MXD4: variants seen among roughly 807,000 people sequenced by gnomAD.
MXD4 encodes Mad4 homolog.
A neutral mutation model predicts 24.5 loss-of-function variants in MXD4; 16 were observed. The observed-to-expected ratio is 0.65, with a 90% confidence interval of 0.44 to 0.99. The LOEUF (loss-of-function observed/expected upper bound fraction) is 0.99. Among genes scored for constraint, MXD4 ranks in the 50% least tolerant of loss-of-function variants. The pLI is 0.00. For missense variants in MXD4, 301 were observed against 301.5 expected (o/e 1.00, Z 0.01); for synonymous variants, 164 against 134.2 (o/e 1.22, Z -1.54).
Position 2,261,697 on chromosome 4 carries a change from G to C in MXD4, c.164+28C>G. ...CGGGGGCGGGGGTTCGGACCGGGCC[G>C]GGCGGGGTCGGGAGCGGGGGGCGGT... On this transcript the variant is annotated intron_variant, in intron 2 of 5. Transcript: ENST00000337190. 7 of 1,294,248 alleles carry C rather than the reference G, an allele frequency of 5.4e-6. No homozygotes were observed. The African/African-American group carries it at 7.9e-5, about 15-fold the overall frequency. The allele number at this position is 1,294,248 out of a possible 1,614,324, so 80.2% of individuals were successfully genotyped here.
chr4:2,252,706 C>A, intron 3 of MXD4, 184 bp from the exon 4 acceptor site: 1 of 556,510 alleles, frequency 1.8e-6, no homozygotes, highest in Non-Finnish European at 3.2e-6. Context: ...GAGCCCAACA[C>A]CCACAGCCCC....
In MXD4 at chr4:2,258,727, G is replaced by C. The variant is rs187143012; in HGVS notation, c.165-716C>G. 7.9e-4 allele frequency among the ~76,000 whole-genome samples: 120 copies of C among 152,348 alleles called. No individual in the cohort carries two copies. The Middle Eastern group carries it at 0.027, about 35-fold the overall frequency. Reference sequence around the variant, plus strand: ...CAGCGTCAGCCAGGTCAGCCCATGAGGGGGCTTCTGAGATGTGGATGCTTC... The same window carrying C: ...CAGCGTCAGCCAGGTCAGCCCATGACGGGGCTTCTGAGATGTGGATGCTTC... On this transcript the variant is annotated intron_variant, in intron 2 of 5. Transcript: ENST00000337190.
chr4:2,258,486 C>T (rs540773966), intron 2 of MXD4, among the ~76,000 whole-genome samples: 6 of 152,312 alleles, frequency 3.9e-5, no homozygotes, highest in Admixed American at 2.0e-4. Context: ...CGCTGACCCC[C>T]ACCAGCCACC....
At chr4:2,257,757 T>C (rs1735460033) in intron 3 of MXD4, among the ~76,000 whole-genome samples, 1 of 152,202 alleles carries the variant, frequency 6.6e-6, no homozygotes, top group African/African-American at 2.4e-5. Flanking sequence ...GGATGAGCTC[T>C]GGAAAGCAGG....
In MXD4 at chr4:2,250,548, G is replaced by T; in HGVS notation, c.626C>A (p.Ser209Ter). 1 of 1,584,786 alleles carries T rather than the reference G, an allele frequency of 6.3e-7. No homozygotes were observed. Residue 209 changes from serine to a stop codon, truncating the protein, a stop_gained, in exon 6 of 6, where the codon TCG (serine) becomes TAG (stop). Coordinates refer to ENST00000337190, the MANE Select transcript of MXD4 (RefSeq NM_006454.3). LOFTEE classifies it high-confidence loss of function. ...HCRRLGRPALS is the reference protein window; with the variant it reads ...HCRRLGRPAL Reference sequence around the variant, plus strand: ...CAAGGAGCAGAGGGCACGGGCCTACGAGAGGGCGGGGCGGCCCAGCCGCCG... The same window carrying T: ...CAAGGAGCAGAGGGCACGGGCCTACTAGAGGGCGGGGCGGCCCAGCCGCCG...
Position 2,262,051 on chromosome 4 carries a change from C to A in MXD4, c.-71G>T. The stretch of plus-strand genomic sequence containing the variant: ...CCGGCCCGCTCCGGCCGGCTCCGCT[C>A]GCCGCCCACCCCGCGCGCCCGGCCG... On this transcript the variant is annotated 5_prime_UTR_variant, in exon 1 of 6. Coordinates refer to ENST00000337190, the MANE Select transcript of MXD4 (RefSeq NM_006454.3). The A allele has an allele frequency of 2.3e-6, 2 of 867,076 alleles. No individual in the cohort carries two copies. The highest frequency in any genetic ancestry group is 5.1e-5 in the South Asian group (1 of 19,652). The allele number at this position is 867,076 out of a possible 1,614,324, so 53.7% of individuals were successfully genotyped here. A position where few individuals can be genotyped will look rare whatever the true frequency, so the allele number is the denominator to read the frequency against.
rs533141951 is a variant in MXD4, at chr4:2,255,715, T to G, written c.194+2267A>C. On this transcript the variant is annotated intron_variant, in intron 3 of 5. Transcript: ENST00000337190. ...ACTTCCTGAAGGAACCCTGTGTGGA[T>G]TCAGGAGGCAGAACCCGCCTGCAGG... Among the ~76,000 whole-genome samples the G allele has an allele frequency of 3.9e-5, 6 of 152,244 alleles. No homozygotes were observed. In the South Asian group the frequency reaches 1.2e-3, roughly 32 times the overall value.
At chr4:2,261,867 CCCCGCCGCCCG>C in intron 1 of MXD4, 39 bp downstream of exon 1, 2 of 1,387,768 alleles carry the variant, frequency 1.4e-6, no homozygotes, top group Non-Finnish European at 1.9e-6. Context: ...CCCGGCACGG[CCCCGCCGCCCG>C]CCCACCGCCG....
Position 2,247,505 on chromosome 4 carries a change from CG to C in MXD4, c.*3038del. 1 of 152,450 alleles carries C rather than the reference CG, an allele frequency of 6.6e-6. No homozygotes were observed. The highest frequency in any genetic ancestry group is 6.5e-5 in the Admixed American group (1 of 15,314). 9.4% of individuals were successfully genotyped at this position (152,450 alleles called of 1,614,324 possible). ...ACGGCCCACACGGTGGACAGGTGGC[CG>C]GGGGCCCCTTTCCCCCTCTAGCGCA... is the stretch of plus-strand genomic sequence containing the variant. On this transcript the variant is annotated 3_prime_UTR_variant, in exon 6 of 6. Coordinates refer to ENST00000337190, the MANE Select transcript of MXD4 (RefSeq NM_006454.3).
At chr4:2,250,792 G>C in intron 5 of MXD4, 91 bp from the exon 6 acceptor site, 1 of 1,475,446 alleles carries the variant, frequency 6.8e-7, no homozygotes, top group African/African-American at 1.4e-5. Flanking sequence ...CTAGGCAGAG[G>C]GGCAGAAGTG....
chr4:2,261,121 G>C (rs1735533151), intron 2 of MXD4, among the ~76,000 whole-genome samples: 1 of 152,214 alleles, frequency 6.6e-6, no homozygotes, highest in African/African-American at 2.4e-5. Context: ...CCCCCATACT[G>C]GTGGCTGGAG....
chr4:2,260,632 A>G, intron 2 of MXD4: 1 of 453,716 alleles, frequency 2.2e-6, no homozygotes. Flanking sequence ...CCAGTAGGGG[A>G]CCAGGGGCTG....
rs1195600642 is a variant in MXD4 at position 2,262,087 on chromosome 4, A to AGACTCCGCG, written c.-116_-108dup. On this transcript the variant is annotated 5_prime_UTR_variant, in exon 1 of 6. Coordinates refer to ENST00000337190, the MANE Select transcript of MXD4 (RefSeq NM_006454.3). Reference sequence around the variant, plus strand: ...CCGCGCGCCCGGCCGCCGCACTTCCAGACTCCGCGGACTCCGGCGCTCGGC... The same window carrying AGACTCCGCG: ...CCGCGCGCCCGGCCGCCGCACTTCCAGACTCCGCGGACTCCGCGGACTCCGGCGCTCGGC... 1 of 521,876 alleles carries AGACTCCGCG rather than the reference A, an allele frequency of 1.9e-6. No individual in the cohort carries two copies. Among genetic ancestry groups the AGACTCCGCG allele is most frequent in the African/African-American group, 2.1e-5 (1 of 47,886 alleles). 32.3% of individuals were successfully genotyped at this position (521,876 alleles called of 1,614,324 possible).
chr4:2,250,847 C>G, intron 5 of MXD4, 146 bp from the exon 6 acceptor site: 1 of 1,235,134 alleles, frequency 8.1e-7, no homozygotes, highest in South Asian at 1.6e-5. Context: ...GCCAGGAGGG[C>G]TCTGGCTGAG....
chr4:2,255,213 T>A (rs1019355036), intron 3 of MXD4: 3 of 425,870 alleles, frequency 7.0e-6, no homozygotes, highest in African/African-American at 6.1e-5. Context: ...CCCCTCCTTA[T>A]CCAAGTCTCA....
chr4:2,255,359 G>A (rs959253616), intron 3 of MXD4: 6 of 456,116 alleles, frequency 1.3e-5, no homozygotes, highest in Non-Finnish European at 2.2e-5. Context: ...CACCTTTCTC[G>A]AGAGACAAAC....
intron 3 of MXD4, chr4:2,253,592 C>T (rs1735365504): frequency 6.6e-6 from 1 of 152,246 alleles, no homozygotes; most frequent in African/African-American, 2.4e-5. Context: ...TGCCTACACA[C>T]GTGACTTTCC....
Position 2,250,558 on chromosome 4 carries a change from G to C in MXD4, c.616C>G (p.Pro206Ala). 1 of 1,594,276 alleles carries C rather than the reference G, an allele frequency of 6.3e-7. No individual in the cohort carries two copies. Among genetic ancestry groups the C allele is most frequent in the Non-Finnish European group, 8.5e-7 (1 of 1,171,144 alleles). ...AGGGCACGGGCCTACGAGAGGGCGGGGCGGCCCAGCCGCCGGCAGTGGGGC... is the reference window on the plus strand; with the variant it reads ...AGGGCACGGGCCTACGAGAGGGCGGCGCGGCCCAGCCGCCGGCAGTGGGGC... ...FGPHCRRLGR[P>A]ALS The change falls in exon 6 of 6, where the codon CCC (proline) becomes GCC (alanine). Residue 206 changes from proline to alanine, a missense_variant. By Grantham distance (27) the Pro-to-Ala change is conservative. Coordinates refer to ENST00000337190, the MANE Select transcript of MXD4 (RefSeq NM_006454.3).
At chr4:2,259,790 G>A (rs1482149846) in intron 2 of MXD4, among the ~76,000 whole-genome samples, 1 of 152,136 alleles carries the variant, frequency 6.6e-6, no homozygotes, top group Non-Finnish European at 1.5e-5. Flanking sequence ...GCTGAGGCCA[G>A]GCCAAGTGCG....
Sources: gnomAD v4.1 joint callset for allele counts (sites outside exome capture counted in the v4.1 genomes callset) on GRCh38, gnomAD v4.1.1 for gene constraint, MANE v1.5 for transcripts, NCBI Gene and HGNC (gene_info 2026-07-23, HGNC 2026-07-21) for gene names.